Variants in ZHX2 observed in about 807,000 individuals in gnomAD.
ZHX2 encodes the protein zinc fingers and homeoboxes 2.
In ZHX2, 6 loss-of-function variants were observed where a neutral mutation model predicts 21.9. That is an observed-to-expected ratio of 0.27 (90% CI 0.15 to 0.54). ZHX2 has a LOEUF of 0.54. Among genes scored for constraint, ZHX2 ranks in the 20% least tolerant of loss-of-function variants. ZHX2 has a pLI of 0.95. For missense variants in ZHX2, 908 were observed against 1,090.7 expected, an observed-to-expected ratio of 0.83 and a Z score of 2.36; for synonymous variants, 434 against 437.1, an observed-to-expected ratio of 0.99 and a Z score of 0.09.
rs147605632 is a variant in ZHX2 at position 122,915,757 on chromosome 8, C to G, written c.-219-35535C>G. Among the ~76,000 whole-genome samples, 428 of 152,310 alleles carry G rather than the reference C, an allele frequency of 2.8e-3. 2 individuals carry two copies. The highest frequency in any genetic ancestry group is 9.4e-3 in the African/African-American group (391 of 41,564). Reference sequence around the variant, plus strand: ...CAACAGACTTGTTCTTTGCTCATTTCTGGTGGAGTCTTATTTTGTGATGGC... The same window carrying G: ...CAACAGACTTGTTCTTTGCTCATTTGTGGTGGAGTCTTATTTTGTGATGGC... On this transcript the variant is annotated intron_variant, in intron 2 of 3. Transcript: ENST00000314393.
intron 2 of ZHX2, among the ~76,000 whole-genome samples, chr8:122,880,770 A>G (rs1007413193): frequency 9.6e-6 from 1 of 103,942 alleles, no homozygotes; most frequent in Non-Finnish European, 1.9e-5. Flanking sequence ...GTGAGACTCC[A>G]CCTCAAAAAA....
chr8:122,794,803 A>T (rs1371098807), intron 1 of ZHX2, among the ~76,000 whole-genome samples: 1 of 152,128 alleles, frequency 6.6e-6, no homozygotes, highest in Non-Finnish European at 1.5e-5. Flanking sequence ...CTCCCCTTTC[A>T]TTCTTTCTCT....
intron 3 of ZHX2, among the ~76,000 whole-genome samples, chr8:122,969,884 G>A (rs1399362330): frequency 7.9e-5 from 12 of 152,112 alleles, no homozygotes; most frequent in African/African-American, 2.9e-4. Context: ...CTGTCACATG[G>A]GAAAACAATT....
intron 1 of ZHX2, among the ~76,000 whole-genome samples, chr8:122,838,080 C>G (rs1035245414): frequency 2.6e-5 from 4 of 152,176 alleles, no homozygotes; most frequent in East Asian, 1.9e-4. Flanking sequence ...AATAAGAGCC[C>G]CGTCTGGGTG....
rs150437284 is a variant in ZHX2 at position 122,905,197 on chromosome 8, T to G, written c.-220+41658T>G. ...AAACCTACAGATTCAAGAAGCTGGG[T>G]GAACCCCATACAGGATGAATCCAAA... On this transcript the variant is annotated intron_variant, in intron 2 of 3. Transcript: ENST00000314393. Among the ~76,000 whole-genome samples, 66 of 152,316 alleles carry G rather than the reference T, an allele frequency of 4.3e-4. 1 individual carries two copies. The highest frequency in any genetic ancestry group is 6.8e-4 in the Non-Finnish European group (46 of 68,028).
Position 122,953,698 on chromosome 8 carries a change from T to C in ZHX2, c.2188T>C (p.Tyr730His), listed in dbSNP as rs772789573. ...GAACGGGGGTGATGTGGTTCCACAA[T>C]ATTACAAGGACCCCAAAAAGCTCTG... ...PKNGGDVVPQ[Y>H]YKDPKKLCEE... The change falls in exon 3 of 4, where the codon TAT (tyrosine) becomes CAT (histidine). Residue 730 changes from tyrosine to histidine, a missense_variant. By Grantham distance (83) the Tyr-to-His change is moderately conservative. Around this residue, in one of 4 missense-constraint regions of ZHX2, gnomAD observed 431 missense variants for 428.6 expected, o/e 1.01. Coordinates refer to ENST00000314393, the MANE Select transcript of ZHX2 (RefSeq NM_014943.5). The surrounding 1 kb of genome is among the most constrained non-coding windows in gnomAD (Gnocchi z 4.6). 1 of 1,614,028 alleles carries C rather than the reference T, an allele frequency of 6.2e-7. No homozygotes were observed. Among genetic ancestry groups the C allele is most frequent in the Admixed American group, 1.7e-5 (1 of 59,998 alleles).
chr8:122,800,080 T>C (rs1817688012), intron 1 of ZHX2, among the ~76,000 whole-genome samples: 1 of 152,208 alleles, frequency 6.6e-6, no homozygotes, highest in African/African-American at 2.4e-5. Context: ...GGTCTCAGAC[T>C]CCTGACCTCA....
At chr8:122,791,603 G>T (rs540025274) in intron 1 of ZHX2, among the ~76,000 whole-genome samples, 6 of 152,214 alleles carry the variant, frequency 3.9e-5, no homozygotes, top group African/African-American at 1.4e-4. Context: ...GGTGGCTCAC[G>T]CCTGTAATCC....
chr8:122,925,777 C>G (rs1214010087), intron 2 of ZHX2, among the ~76,000 whole-genome samples: 2 of 152,046 alleles, frequency 1.3e-5, no homozygotes, highest in East Asian at 3.9e-4. Context: ...GCTTTGAAGA[C>G]GACATGGAGG....
Position 122,953,653 on chromosome 8 carries a change from C to G in ZHX2, c.2143C>G (p.Pro715Ala). The G allele has an allele frequency of 6.2e-7, 1 of 1,614,242 alleles. No homozygotes were observed. Among genetic ancestry groups the G allele is most frequent in the East Asian group, 2.2e-5 (1 of 44,880 alleles). ...TGCCGTAGCAAGGAAAGCAACAAAA[C>G]CCATGGCCGAGAGCCCAAAGAACGG... is the stretch of plus-strand genomic sequence containing the variant. ...YDAVARKATK[P>A]MAESPKNGGD... Residue 715 changes from proline (P) to alanine (A), a missense_variant, in exon 3 of 4, where the codon CCC becomes GCC. Pro to Ala is a conservative substitution (Grantham distance 27). Around this residue, in one of 4 missense-constraint regions of ZHX2, gnomAD observed 431 missense variants for 428.6 expected, o/e 1.01. Coordinates refer to ENST00000314393, the MANE Select transcript of ZHX2 (RefSeq NM_014943.5). This position sits in a 1 kb window ranked among gnomAD's most constrained non-coding sequence, Gnocchi z 4.6.
chr8:122,860,813 A>T (rs942975402), intron 1 of ZHX2, among the ~76,000 whole-genome samples: 2 of 152,078 alleles, frequency 1.3e-5, no homozygotes, highest in African/African-American at 4.8e-5. Flanking sequence ...AGGCAAGTGG[A>T]TCATGAGGTC....
intron 3 of ZHX2, among the ~76,000 whole-genome samples, chr8:122,972,874 C>G (rs1430895429): frequency 1.3e-5 from 2 of 152,168 alleles, no homozygotes; most frequent in Non-Finnish European, 2.9e-5. Flanking sequence ...CCAGATTTGT[C>G]TGACTCCAGG....
intron 1 of ZHX2, among the ~76,000 whole-genome samples, chr8:122,846,545 G>GTGTATTT (rs999976632): frequency 2.9e-5 from 4 of 136,000 alleles, no homozygotes; most frequent in African/African-American, 1.2e-4. Flanking sequence ...TTCAGACTTT[G>GTGTATTT]TGTATTTTTT....
chr8:122,907,325 G>A (rs1313786913), intron 2 of ZHX2, among the ~76,000 whole-genome samples: 1 of 152,136 alleles, frequency 6.6e-6, no homozygotes, highest in East Asian at 1.9e-4. Context: ...GTCTAGAAAG[G>A]CGGGACATCT....
chr8:122,826,807 T>TA (rs1225761479), intron 1 of ZHX2, among the ~76,000 whole-genome samples: 1 of 151,742 alleles, frequency 6.6e-6, no homozygotes, highest in East Asian at 1.9e-4. Flanking sequence ...GAGAGACTGT[T>TA]ACATGTGCAG....
chr8:122,812,477 C>G (rs1176766829), intron 1 of ZHX2, among the ~76,000 whole-genome samples: 4 of 152,124 alleles, frequency 2.6e-5, no homozygotes, highest in East Asian at 1.9e-4. Context: ...CCCAAGGCCA[C>G]AGAGTGGGAA....
At chr8:122,954,794 G>A (rs1395012789) in intron 3 of ZHX2, among the ~76,000 whole-genome samples, 1 of 151,670 alleles carries the variant, frequency 6.6e-6, no homozygotes, top group Non-Finnish European at 1.5e-5. Flanking sequence ...TCCTCCCTCT[G>A]TGTGTTTTGT....
intron 1 of ZHX2, among the ~76,000 whole-genome samples, chr8:122,794,054 T>C (rs1048733456): frequency 1.3e-5 from 2 of 152,192 alleles, no homozygotes; most frequent in Non-Finnish European, 2.9e-5. Flanking sequence ...ACCTGGAGCT[T>C]TATGCTTTGA....
intron 2 of ZHX2, among the ~76,000 whole-genome samples, chr8:122,940,963 C>T (rs1812828296): frequency 6.6e-6 from 1 of 151,908 alleles, no homozygotes; most frequent in African/African-American, 2.4e-5. Context: ...GGTATGGTGG[C>T]TCCCACCTTT....
Sources: gnomAD v4.1 joint callset for allele counts (sites outside exome capture counted in the v4.1 genomes callset) on GRCh38, gnomAD v4.1.1 for gene constraint, gnomAD v4.1.1 regional missense constraint, Gnocchi (gnomAD v3.1) non-coding constraint, MANE v1.5 for transcripts, NCBI Gene and HGNC (gene_info 2026-07-23, HGNC 2026-07-21) for gene names.